Variants in TBKBP1 observed in about 807,000 individuals in gnomAD.
The protein encoded by TBKBP1 is TANK-binding kinase 1-binding protein 1.
TBKBP1 carries 47 observed loss-of-function variants against 69.9 expected under a neutral mutation model. That is an observed-to-expected ratio of 0.67 (90% confidence interval 0.53 to 0.86). The LOEUF is 0.86. Among genes scored for constraint, TBKBP1 ranks in the 40% least tolerant of loss-of-function variants. The probability of loss-of-function intolerance (pLI) is 0.00; values close to 1 mark genes in which losing one functional copy is unlikely to be tolerated. For missense variants in TBKBP1, 831 were observed against 858.6 expected (o/e 0.97, Z 0.40); for synonymous variants, 418 against 390.3 (o/e 1.07, Z -0.84).
chr17:47,696,011 A>G, intron 1 of TBKBP1, 68 bp from the exon 2 acceptor site: 2 of 898,718 alleles, frequency 2.2e-6, no homozygotes, highest in Non-Finnish European at 3.3e-6. Context: ...GTGCAGAGCC[A>G]GGGAGAGGGG....
At chr17:47,709,646 G>C (rs1480196605) in intron 9 of TBKBP1, among the ~76,000 whole-genome samples, 194 bp downstream of exon 9, 1 of 152,256 alleles carries the variant, frequency 6.6e-6, no homozygotes, top group Non-Finnish European at 1.5e-5. Flanking sequence ...AGAAATTGGG[G>C]CCTGCCCCAT....
chr17:47,710,599 C>T lies in TBKBP1; in HGVS notation c.1821C>T (p.Asp607=), dbSNP rs2143376548. 1 of 1,610,000 alleles carries T rather than the reference C, an allele frequency of 6.2e-7. No individual in the cohort carries two copies. The highest frequency in any genetic ancestry group is 8.5e-7 in the Non-Finnish European group (1 of 1,176,906). Residue 607 remains aspartate (D), a synonymous_variant, in exon 10 of 10, where the codon GAC becomes GAT. Transcript: ENST00000578982. ...YPDDALIKHI[D]SHLENSKI is the part of the protein sequence containing the mutation. The stretch of plus-strand genomic sequence containing the variant: ...ATGATGCCCTCATCAAACACATTGA[C>T]TCCCACCTGGAGAACAGCAAGATCT...
At chr17:47,706,975 C>T (rs1269271541) in intron 7 of TBKBP1, among the ~76,000 whole-genome samples, 1 of 152,204 alleles carries the variant, frequency 6.6e-6, no homozygotes, top group Admixed American at 6.5e-5. Flanking sequence ...GGGATGGGGA[C>T]AGGGCCCTCC....
chr17:47,708,723 A>G lies in TBKBP1; in HGVS notation c.992-2A>G. On this transcript the variant is annotated splice_acceptor_variant, in intron 8 of 9. Coordinates refer to ENST00000578982, the MANE Select transcript of TBKBP1 (RefSeq NM_001394755.1). LOFTEE classifies it high-confidence loss of function. This position sits in a 1 kb window ranked among gnomAD's most constrained non-coding sequence, Gnocchi z 4.4. ...CCCACCCCGTCCCGGTTTCTCTTCC[A>G]GGCCAGAGGCACTCGCCGCTGTCAC... 6.9e-7 allele frequency: 1 copy of G among 1,450,416 alleles called. No individual in the cohort carries two copies. Among genetic ancestry groups the G allele is most frequent in the Non-Finnish European group, 9.0e-7 (1 of 1,110,248 alleles). 89.8% of individuals were successfully genotyped at this position (1,450,416 alleles called of 1,614,324 possible). A position where few individuals can be genotyped will look rare whatever the true frequency, so the allele number is the denominator to read the frequency against.
In TBKBP1 at chr17:47,696,075, C is replaced by G. The variant is rs1407251565; in HGVS notation, c.-34-4C>G. ...CCTGTCCACGGTTGCTCCTGCTCTC[C>G]TAGGAGGCCCCGTGTGGGCCGCGGC... On this transcript the variant is annotated splice_polypyrimidine_tract_variant and splice_region_variant and intron_variant, in intron 1 of 9. Transcript: ENST00000578982. 6.5e-7 allele frequency: 1 copy of G among 1,548,048 alleles called. No individual in the cohort carries two copies. Among genetic ancestry groups the G allele is most frequent in the Middle Eastern group, 1.9e-4 (1 of 5,402 alleles).
rs774568879 is a variant in TBKBP1 at position 47,709,091 on chromosome 17, A to T, written c.1358A>T (p.Lys453Met). 4 of 1,358,596 alleles carry T rather than the reference A, an allele frequency of 2.9e-6. No homozygotes were observed. Among genetic ancestry groups the T allele is most frequent in the Non-Finnish European group, 3.8e-6 (4 of 1,060,536 alleles). 84.2% of individuals were successfully genotyped at this position (1,358,596 alleles called of 1,614,324 possible). Residue 453 changes from lysine (K) to methionine (M), a missense_variant, in exon 9 of 10, where the codon AAG (lysine) becomes ATG (methionine). Physicochemically the swap from Lys to Met is moderately conservative, Grantham distance 95 (BLOSUM62 -1). Coordinates refer to ENST00000578982, the MANE Select transcript of TBKBP1 (RefSeq NM_001394755.1). ...GCCAAGCCGCCCAGCCACCACGTGA[A>T]GGCCGGCTTCCAGGGCCGCCGCAGC... ...AYAKPPSHHV[K>M]AGFQGRRSYS... is the part of the protein sequence containing the mutation.
rs776472274 is a variant in TBKBP1 at position 47,708,463 on chromosome 17, A to T, written c.942A>T (p.Leu314=). 6.8e-6 allele frequency: 11 copies of T among 1,613,856 alleles called. No individual in the cohort carries two copies. Among genetic ancestry groups the T allele is most frequent in the Non-Finnish European group, 9.3e-6 (11 of 1,179,828 alleles). The change falls in exon 8 of 10, where the codon CTA becomes CTT. Residue 314 remains leucine (L), a synonymous_variant. Transcript: ENST00000578982. The surrounding 1 kb of genome is among the most constrained non-coding windows in gnomAD (Gnocchi z 4.4). ...ELGRLRELSS[L]QGRILRTLLQ... The stretch of plus-strand genomic sequence containing the variant: ...GCCGGCTTCGGGAGTTGAGTTCCCT[A>T]CAGGGGAGAATCTTGAGGACTCTGT...
intron 7 of TBKBP1, 66 bp downstream of exon 7, chr17:47,699,763 G>A: frequency 1.9e-6 from 3 of 1,589,976 alleles, no homozygotes; most frequent in Non-Finnish European, 8.6e-7. Flanking sequence ...CAGCCCTCAG[G>A]GGTGTGGTGT....
At chr17:47,700,468 G>A (rs973820638) in intron 7 of TBKBP1, among the ~76,000 whole-genome samples, 3 of 151,702 alleles carry the variant, frequency 2.0e-5, no homozygotes, top group African/African-American at 7.3e-5. Context: ...AGGGCTAAGT[G>A]ACACTTACTC....
intron 7 of TBKBP1, among the ~76,000 whole-genome samples, chr17:47,704,623 C>G (rs2031635401): frequency 6.6e-6 from 1 of 152,208 alleles, no homozygotes; most frequent in Non-Finnish European, 1.5e-5. Context: ...ATGGACAGCT[C>G]TAAACCTAAC....
At position 47,710,730 on chromosome 17, in the gene TBKBP1, A is replaced by AC; in HGVS notation, c.*109dup. The AC allele has an allele frequency of 7.0e-7, 1 of 1,420,726 alleles. No individual in the cohort carries two copies. The highest frequency in any genetic ancestry group is 9.5e-7 in the Non-Finnish European group (1 of 1,054,278). The allele number at this position is 1,420,726 out of a possible 1,614,324, so 88.0% of individuals were successfully genotyped here. A position where few individuals can be genotyped will look rare whatever the true frequency, so the allele number is the denominator to read the frequency against. ...CTCGTGGGGGGTCCCTGCCCTTGCG[A>AC]CCCCCAGATACCTCCACTTGCTACC... On this transcript the variant is annotated 3_prime_UTR_variant, in exon 10 of 10. Coordinates refer to ENST00000578982, the MANE Select transcript of TBKBP1 (RefSeq NM_001394755.1).
chr17:47,699,775 TG>T lies in TBKBP1; in HGVS notation c.872+81del, dbSNP rs983477667. 3.2e-6 allele frequency: 5 copies of T among 1,548,174 alleles called. No homozygotes were observed. The African/African-American group carries it at 4.1e-5, about 13-fold the overall frequency. On this transcript the variant is annotated intron_variant, in intron 7 of 9. Coordinates refer to ENST00000578982, the MANE Select transcript of TBKBP1 (RefSeq NM_001394755.1). ...TCCCAGCCCTCAGGGGTGTGGTGTC[TG>T]GGCTGCTGTTGCTCTGTGTGCATCC...
chr17:47,706,578 G>T (rs1222684467), intron 7 of TBKBP1, among the ~76,000 whole-genome samples: 1 of 152,168 alleles, frequency 6.6e-6, no homozygotes, highest in Non-Finnish European at 1.5e-5. Flanking sequence ...CAGATGGGTG[G>T]CGAGGACTCC....
chr17:47,703,906 C>CAGAT (rs2013861423), intron 7 of TBKBP1, among the ~76,000 whole-genome samples: 1 of 152,204 alleles, frequency 6.6e-6, no homozygotes, highest in Non-Finnish European at 1.5e-5. Context: ...AAATTCAGTG[C>CAGAT]AGATGCCAAG....
At chr17:47,702,993 GGA>G (rs146023574) in intron 7 of TBKBP1, among the ~76,000 whole-genome samples, 71,372 of 128,392 alleles carry the variant, frequency 0.56, 20,702 homozygotes, top group East Asian at 0.6. Flanking sequence ...TGCGGGGGGG[GGA>G]ACTTCTTGAA....
In TBKBP1 at chr17:47,708,757, TC is replaced by T. The variant is rs745817378; in HGVS notation, c.1028del (p.Pro343ArgfsTer110). ...QRHSPLSQRH[S>X]PAPQCPSPSP... The stretch of plus-strand genomic sequence containing the variant: ...GCACTCGCCGCTGTCACAACGCCAC[TC>T]CCCGGCCCCCCAGTGCCCCTCCCCC... On this transcript the variant is annotated frameshift_variant, in exon 9 of 10. Coordinates refer to ENST00000578982, the MANE Select transcript of TBKBP1 (RefSeq NM_001394755.1). LOFTEE classifies it high-confidence loss of function. This position sits in a 1 kb window ranked among gnomAD's most constrained non-coding sequence, Gnocchi z 4.4. 14 of 1,298,940 alleles carry T rather than the reference TC, an allele frequency of 1.1e-5. No homozygotes were observed. Among genetic ancestry groups the T allele is most frequent in the East Asian group, 3.0e-5 (1 of 33,102 alleles). 80.5% of individuals were successfully genotyped at this position (1,298,940 alleles called of 1,614,324 possible).
intron 7 of TBKBP1, among the ~76,000 whole-genome samples, chr17:47,701,552 A>C (rs1415618134): frequency 6.6e-6 from 1 of 152,080 alleles, no homozygotes; most frequent in Non-Finnish European, 1.5e-5. Flanking sequence ...CTGGCTCTTC[A>C]GGTTTTGAAT....
chr17:47,709,276 C>G lies in TBKBP1; in HGVS notation c.1543C>G (p.Arg515Gly). The G allele has an allele frequency of 6.6e-7, 1 of 1,524,394 alleles. No homozygotes were observed. Among genetic ancestry groups the G allele is most frequent in the Non-Finnish European group, 8.7e-7 (1 of 1,144,142 alleles). The allele number at this position is 1,524,394 out of a possible 1,614,324, so 94.4% of individuals were successfully genotyped here. The change falls in exon 9 of 10, where the codon CGC becomes GGC. Residue 515 changes from arginine to glycine, a missense_variant. By Grantham distance (125) the Arg-to-Gly change is moderately radical (BLOSUM62 -2). Transcript: ENST00000578982. ...GCGCGCCTTCGAGGGCATCCGGCTGCGCTTCGAGAAGCAGCCGTCGGAGGA... is the reference window on the plus strand; with the variant it reads ...GCGCGCCTTCGAGGGCATCCGGCTGGGCTTCGAGAAGCAGCCGTCGGAGGA... ...PRRAFEGIRL[R>G]FEKQPSEEDE...
Position 47,697,168 on chromosome 17 carries a change from A to C in TBKBP1, c.428A>C (p.Asp143Ala). ...GAGAAACTCTGCGTGGAGAAGAGTG[A>C]CTTGGAGACAGAGCTGAGGGAGATG... ...AYEKLCVEKSDLETELREMRA... is the reference protein window; with the variant it reads ...AYEKLCVEKSALETELREMRA... The change falls in exon 4 of 10, where the codon GAC becomes GCC. Residue 143 changes from aspartate (D) to alanine (A), a missense_variant. By Grantham distance (126) the Asp-to-Ala change is moderately radical. Transcript: ENST00000578982. The C allele has an allele frequency of 6.2e-7, 1 of 1,613,002 alleles. No homozygotes were observed. The highest frequency in any genetic ancestry group is 8.5e-7 in the Non-Finnish European group (1 of 1,179,432).
Sources: gnomAD v4.1 joint callset for allele counts (sites outside exome capture counted in the v4.1 genomes callset) on GRCh38, gnomAD v4.1.1 for gene constraint, Gnocchi (gnomAD v3.1) non-coding constraint, MANE v1.5 for transcripts, NCBI Gene and HGNC (gene_info 2026-07-23, HGNC 2026-07-21) for gene names.